Variants in DPP10 observed in about 807,000 individuals in gnomAD.
DPP10 encodes inactive dipeptidyl peptidase 10.
In DPP10, 33 loss-of-function variants were observed where a neutral mutation model predicts 120.9. The observed-to-expected ratio is 0.27, with a 90% confidence interval of 0.21 to 0.37. The LOEUF (loss-of-function observed/expected upper bound fraction) is 0.37. DPP10 is among the 10% of genes least tolerant of loss of function. The pLI, the probability that DPP10 is intolerant of heterozygous loss-of-function variation, is 1.00. For missense variants in DPP10, 816 were observed against 942.8 expected (o/e 0.87, Z 1.76); for synonymous variants, 337 against 326.1 (o/e 1.03, Z -0.36).
At chr2:114,977,222 T>C in intron 1 of DPP10, among the ~76,000 whole-genome samples, 1 of 152,202 alleles carries the variant, frequency 6.6e-6, no homozygotes, top group East Asian at 1.9e-4. Context: ...TTGTGTGTTG[T>C]GATCCTCTCA....
At chr2:114,835,060 A>G (rs1300107349) in intron 1 of DPP10, 1 of 149,906 alleles carries the variant, frequency 6.7e-6, no homozygotes, top group African/African-American at 2.5e-5. Context: ...CTACACACCT[A>G]TGTATATATA....
At chr2:115,491,878 G>A (rs772807750) in intron 3 of DPP10, among the ~76,000 whole-genome samples, 2 of 152,080 alleles carry the variant, frequency 1.3e-5, no homozygotes, top group Non-Finnish European at 2.9e-5. Context: ...TCAAGGGTAG[G>A]GGTAGAGGAA....
At chr2:114,678,159 C>A (rs577168502) in intron 1 of DPP10, among the ~76,000 whole-genome samples, 16 of 152,046 alleles carry the variant, frequency 1.1e-4, no homozygotes, top group Non-Finnish European at 2.4e-4. Flanking sequence ...TTTTTCTATT[C>A]CAAGTAGTAG....
intron 4 of DPP10, among the ~76,000 whole-genome samples, chr2:115,500,418 G>A (rs900267357): frequency 1.3e-5 from 2 of 151,702 alleles, no homozygotes; most frequent in Non-Finnish European, 2.9e-5. Flanking sequence ...AAAAAAATAA[G>A]CAAAATTGTT....
At chr2:115,256,695 A>G (rs1401804825) in intron 1 of DPP10, among the ~76,000 whole-genome samples, 1 of 152,166 alleles carries the variant, frequency 6.6e-6, no homozygotes, top group Non-Finnish European at 1.5e-5. Context: ...AGTCATGCAA[A>G]TGTATTAAGT....
rs1477963936 is a variant in DPP10 at position 115,827,412 on chromosome 2, GTGTATATA to G, written c.1951-8743_1951-8736del. On this transcript the variant is annotated intron_variant, in intron 21 of 25. Coordinates refer to ENST00000410059, the MANE Select transcript of DPP10 (RefSeq NM_020868.6). ...ACTGTGTGTGTGTGTGTATGTGTGTGTGTATATATATATATATATATATATATATATAT... is the reference window on the plus strand; with the variant it reads ...ACTGTGTGTGTGTGTGTATGTGTGTGTATATATATATATATATATATATAT... 4.9e-4 allele frequency among the ~76,000 whole-genome samples: 40 copies of G among 81,946 alleles called. No individual in the cohort carries two copies. The East Asian group carries it at 6.7e-3, about 14-fold the overall frequency. The allele number at this position is 81,946 out of a possible 152,430, so 53.8% of individuals were successfully genotyped here.
At chr2:115,729,271 A>G (rs2149646306) in intron 8 of DPP10, among the ~76,000 whole-genome samples, 1 of 152,324 alleles carries the variant, frequency 6.6e-6, no homozygotes, top group African/African-American at 2.4e-5. Flanking sequence ...CTGGCAGTCT[A>G]GGTAGCAGGA....
intron 1 of DPP10, among the ~76,000 whole-genome samples, chr2:115,221,554 A>C: frequency 6.6e-6 from 1 of 152,238 alleles, no homozygotes; most frequent in East Asian, 1.9e-4. Flanking sequence ...AATATTTACT[A>C]TCTGGCCCTA....
At chr2:115,819,950 G>A (rs1208416270) in intron 21 of DPP10, among the ~76,000 whole-genome samples, 1 of 152,128 alleles carries the variant, frequency 6.6e-6, no homozygotes, top group Non-Finnish European at 1.5e-5. Flanking sequence ...GCCGAGATCG[G>A]ACCATTGCAC....
chr2:115,507,200 C>G (rs2076994532), intron 4 of DPP10, among the ~76,000 whole-genome samples: 1 of 152,068 alleles, frequency 6.6e-6, no homozygotes. Flanking sequence ...AGAGATTTTT[C>G]TACTTCTCCA....
chr2:115,269,111 C>T (rs1472933179), intron 1 of DPP10, among the ~76,000 whole-genome samples: 1 of 152,204 alleles, frequency 6.6e-6, no homozygotes, highest in East Asian at 1.9e-4. Context: ...CACGCCATTG[C>T]ACTCCAGCCT....
intron 1 of DPP10, among the ~76,000 whole-genome samples, chr2:115,302,931 G>A (rs181794727): frequency 1.6e-4 from 24 of 152,090 alleles, no homozygotes; most frequent in African/African-American, 5.3e-4. Context: ...AGCAGTAGGC[G>A]GAGTAAGTAT....
Position 115,800,809 on chromosome 2 carries a change from C to T in DPP10, c.1700+9453C>T, listed in dbSNP as rs535869078. 3.1e-4 allele frequency among the ~76,000 whole-genome samples: 47 copies of T among 152,202 alleles called. 1 individual carries two copies. Among genetic ancestry groups the T allele is most frequent in the Admixed American group, 5.9e-4 (9 of 15,280 alleles). ...ATTGGTCTATATCTCTGTTTTGGTA[C>T]GAGTACCATGCTGTTTTGGTTACTG... On this transcript the variant is annotated intron_variant, in intron 19 of 25. Coordinates refer to ENST00000410059, the MANE Select transcript of DPP10 (RefSeq NM_020868.6).
chr2:115,633,258 AG>A (rs1558954923), intron 5 of DPP10, among the ~76,000 whole-genome samples: 4 of 152,234 alleles, frequency 2.6e-5, no homozygotes, highest in African/African-American at 7.2e-5. Flanking sequence ...GCTATAAAAA[AG>A]GATGAGTTCA....
chr2:115,440,578 A>G (rs2104862307), intron 3 of DPP10, among the ~76,000 whole-genome samples: 1 of 140,880 alleles, frequency 7.1e-6, no homozygotes, highest in Non-Finnish European at 1.6e-5. Flanking sequence ...GCTAACGCTC[A>G]AAATTCTCTC....
intron 1 of DPP10, among the ~76,000 whole-genome samples, chr2:114,573,928 A>G (rs1689848838): frequency 6.6e-6 from 1 of 152,204 alleles, no homozygotes; most frequent in South Asian, 2.1e-4. Flanking sequence ...GGACATCTCC[A>G]CTTTTCCAAA....
chr2:115,470,274 G>A (rs1173069499), intron 3 of DPP10, among the ~76,000 whole-genome samples: 4 of 152,074 alleles, frequency 2.6e-5, no homozygotes, highest in Non-Finnish European at 5.9e-5. Flanking sequence ...TGTGTTTCAG[G>A]GCAGACATGT....
intron 1 of DPP10, among the ~76,000 whole-genome samples, chr2:114,861,744 C>G (rs552246944): frequency 1.8e-4 from 27 of 152,180 alleles, no homozygotes; most frequent in African/African-American, 6.3e-4. Flanking sequence ...CTTCACTAAG[C>G]AGGATCTGGT....
At chr2:114,694,163 A>C (rs1699929891) in intron 1 of DPP10, among the ~76,000 whole-genome samples, 1 of 152,026 alleles carries the variant, frequency 6.6e-6, no homozygotes. Flanking sequence ...TATTTTATTA[A>C]TTTTTAGAAT....
Sources: gnomAD v4.1 joint callset for allele counts (sites outside exome capture counted in the v4.1 genomes callset) on GRCh38, gnomAD v4.1.1 for gene constraint, MANE v1.5 for transcripts, NCBI Gene and HGNC (gene_info 2026-07-23, HGNC 2026-07-21) for gene names.